TTC7A: variants seen among roughly 807,000 people sequenced by gnomAD.
TTC7A encodes the protein tetratricopeptide repeat domain 7A.
In TTC7A, 110 loss-of-function variants were observed where a neutral mutation model predicts 103.7. That is an observed-to-expected ratio of 1.06 (90% CI 0.91 to 1.24). The LOEUF is 1.24. Among genes scored for constraint, TTC7A ranks in the 50% most tolerant of loss-of-function variants. The pLI is 0.00. For missense variants in TTC7A, 1,340 were observed against 1,116.3 expected (o/e 1.20, Z -2.86); for synonymous variants, 521 against 467.9 (o/e 1.11, Z -1.47).
chr2:46,989,000 A>G (rs553776716), intron 5 of TTC7A, among the ~76,000 whole-genome samples: 2 of 152,178 alleles, frequency 1.3e-5, no homozygotes, highest in Non-Finnish European at 2.9e-5. Context: ...TACAGGGATA[A>G]TGAAGCCTGT....
chr2:46,992,826 G>A (rs1433655810), intron 5 of TTC7A, among the ~76,000 whole-genome samples: 3 of 152,230 alleles, frequency 2.0e-5, no homozygotes, highest in Non-Finnish European at 2.9e-5. Flanking sequence ...TAGGAGAGAT[G>A]GGTATTTTGT....
intron 19 of TTC7A, among the ~76,000 whole-genome samples, chr2:47,066,967 C>A (rs1684231047): frequency 6.6e-6 from 1 of 152,218 alleles, no homozygotes; most frequent in South Asian, 2.1e-4. Context: ...CTGGCGAGGG[C>A]CTTCTTGCTG....
intron 18 of TTC7A, among the ~76,000 whole-genome samples, chr2:47,052,615 A>G (rs2104737097): frequency 6.6e-6 from 1 of 152,338 alleles, no homozygotes; most frequent in South Asian, 2.1e-4. Flanking sequence ...AGAGTTTTGA[A>G]AATTTACCCT....
intron 8 of TTC7A, 135 bp from the exon 9 acceptor site, chr2:47,005,787 G>A: frequency 1.1e-6 from 1 of 913,954 alleles, no homozygotes; most frequent in Non-Finnish European, 1.7e-6. Context: ...ATTTCTGGGA[G>A]TGTGGCCATC....
intron 3 of TTC7A, among the ~76,000 whole-genome samples, chr2:46,962,915 C>G (rs926168117): frequency 5.3e-5 from 8 of 152,246 alleles, no homozygotes; most frequent in African/African-American, 1.9e-4. Flanking sequence ...CCTTAAAACT[C>G]TGTAGTAATA....
At chr2:46,955,538 G>A (rs191673451) in intron 2 of TTC7A, among the ~76,000 whole-genome samples, 143 of 152,326 alleles carry the variant, frequency 9.4e-4, no homozygotes, top group African/African-American at 3.2e-3. Flanking sequence ...CCTGAGCAAG[G>A]CCCCAAAGGA....
intron 17 of TTC7A, chr2:47,050,396 A>G: frequency 4.0e-6 from 1 of 251,166 alleles, no homozygotes; most frequent in Non-Finnish European, 7.9e-6. Flanking sequence ...GTCAAATAGA[A>G]AGGAATGGAC....
Position 47,046,275 on chromosome 2 carries a change from C to T in TTC7A, c.1803-40C>T, listed in dbSNP as rs531516804. 74 of 1,543,790 alleles carry T rather than the reference C, an allele frequency of 4.8e-5. No individual in the cohort carries two copies. The South Asian group carries it at 7.5e-4, about 16-fold the overall frequency. On this transcript the variant is annotated intron_variant, in intron 15 of 19. Coordinates refer to ENST00000319190, the MANE Select transcript of TTC7A (RefSeq NM_020458.4). ...CAGGATCCCCAGGTGAAAGTGGGCC[C>T]TTGCTGGGGTGTGCTGATGGCCACT...
rs562397016 is a variant in TTC7A, at chr2:46,964,192, G to A, written c.517+7185G>A. On this transcript the variant is annotated intron_variant, in intron 3 of 19. Coordinates refer to ENST00000319190, the MANE Select transcript of TTC7A (RefSeq NM_020458.4). ...AGCTAGTTGTGGGGCCTTCACAGGC[G>A]AGCTGGGTGGTGAGCCTGAACTTGA... is the stretch of plus-strand genomic sequence containing the variant. 2.0e-5 allele frequency among the ~76,000 whole-genome samples: 3 copies of A among 152,368 alleles called. No homozygotes were observed. The South Asian group carries it at 6.2e-4, about 32-fold the overall frequency.
intron 5 of TTC7A, among the ~76,000 whole-genome samples, chr2:46,988,170 C>G (rs937977161): frequency 1.3e-5 from 2 of 152,148 alleles, no homozygotes; most frequent in Non-Finnish European, 1.5e-5. Context: ...CTACTCTTAG[C>G]ACTACCTCCT....
chr2:46,979,638 G>T (rs1674240464), intron 5 of TTC7A, among the ~76,000 whole-genome samples: 1 of 152,156 alleles, frequency 6.6e-6, no homozygotes, highest in Non-Finnish European at 1.5e-5. Flanking sequence ...CATGGGGTGT[G>T]TTGGGTGGTG....
chr2:46,992,388 A>G (rs1675723272), intron 5 of TTC7A, among the ~76,000 whole-genome samples: 1 of 152,180 alleles, frequency 6.6e-6, no homozygotes, highest in Admixed American at 6.5e-5. Flanking sequence ...GGGTCTGGGG[A>G]GGCTTCATGG....
At chr2:46,994,133 G>C (rs1254962054) in intron 6 of TTC7A, 1 of 547,104 alleles carries the variant, frequency 1.8e-6, no homozygotes, top group East Asian at 3.1e-5. Flanking sequence ...GAAGAGAAAA[G>C]ATGAGGTAGG....
At chr2:46,940,417 G>C (rs1021023337), upstream of TTC7A, among the ~76,000 whole-genome samples, 1 of 152,114 alleles carries the variant, frequency 6.6e-6, no homozygotes, top group African/African-American at 2.4e-5. The surrounding 1 kb of genome is among the most constrained non-coding windows in gnomAD (Gnocchi z 4.7). Context: ...GCCCCTGTAA[G>C]AGGTCTCCCC....
At chr2:47,012,714 C>A (rs1383118040) in intron 11 of TTC7A, among the ~76,000 whole-genome samples, 1 of 152,148 alleles carries the variant, frequency 6.6e-6, no homozygotes, top group African/African-American at 2.4e-5. Flanking sequence ...CTGCTGGGTC[C>A]CCGCCTCATC....
At position 46,966,582 on chromosome 2, in the gene TTC7A, A is replaced by G. The variant is rs972336558; in HGVS notation, c.518-8391A>G. 5.4e-5 allele frequency among the ~76,000 whole-genome samples: 7 copies of G among 129,168 alleles called. No individual in the cohort carries two copies. The Admixed American group carries it at 6.1e-4, about 11-fold the overall frequency. The allele number at this position is 129,168 out of a possible 152,430, so 84.7% of individuals were successfully genotyped here. On this transcript the variant is annotated intron_variant, in intron 3 of 19. Coordinates refer to ENST00000319190, the MANE Select transcript of TTC7A (RefSeq NM_020458.4). ...TGTGAAGTCCCGTCATTGGACCTGTATGCTAAATCTTTTTTTTTTTTGCCA... is the reference window on the plus strand; with the variant it reads ...TGTGAAGTCCCGTCATTGGACCTGTGTGCTAAATCTTTTTTTTTTTTGCCA...
chr2:47,053,539 TTTGTTTGGTTGGTTGGTTGG>T (rs1363458972), intron 18 of TTC7A, among the ~76,000 whole-genome samples: 5 of 66,070 alleles, frequency 7.6e-5, no homozygotes, highest in Non-Finnish European at 1.3e-4. Context: ...TTTTTGTTTG[TTTGTTTGGTTGGTTGGTTGG>T]TTGGTTGGTT....
upstream of TTC7A, among the ~76,000 whole-genome samples, chr2:46,936,280 T>C (rs571173612): frequency 4.6e-5 from 7 of 152,340 alleles, no homozygotes; most frequent in South Asian, 1.4e-3. Context: ...TGTCATTTTT[T>C]TGTTGTGCAT....
chr2:47,024,248 C>A (rs1465334166), intron 13 of TTC7A, 39 bp from the exon 14 acceptor site: 3 of 1,551,280 alleles, frequency 1.9e-6, no homozygotes, highest in Non-Finnish European at 2.6e-6. Flanking sequence ...GGTCACTCAA[C>A]CCCTGGTGCC....
Sources: gnomAD v4.1 joint callset for allele counts (sites outside exome capture counted in the v4.1 genomes callset) on GRCh38, gnomAD v4.1.1 for gene constraint, Gnocchi (gnomAD v3.1) non-coding constraint, MANE v1.5 for transcripts, NCBI Gene and HGNC (gene_info 2026-07-23, HGNC 2026-07-21) for gene names.